Variants in CYP2E1 observed in about 807,000 individuals in gnomAD.
CYP2E1 encodes the protein cytochrome P450 2E1.
Under a neutral mutation model 42.9 loss-of-function variants are expected in CYP2E1, and 31 were observed. The observed-to-expected ratio is 0.72, with a 90% CI of 0.54 to 0.98. The LOEUF (loss-of-function observed/expected upper bound fraction) is 0.98, where lower values mean the gene tolerates loss of function less well. Among genes scored for constraint, CYP2E1 ranks in the 50% least tolerant of loss-of-function variants. The pLI is 0.00. For missense variants in CYP2E1, 565 were observed against 633.2 expected (o/e 0.89, Z 1.16); for synonymous variants, 244 against 248.9 (o/e 0.98, Z 0.19).
At chr10:133,537,659 A>G (rs1229690608) in intron 7 of CYP2E1, 92 bp from the exon 8 acceptor site, 1 of 1,099,950 alleles carries the variant, frequency 9.1e-7, no homozygotes. Context: ...ATATAGCATA[A>G]TATTCAAAAC....
At chr10:133,531,988 C>T in intron 3 of CYP2E1, 136 bp from the exon 4 acceptor site, 2 of 874,534 alleles carry the variant, frequency 2.3e-6, no homozygotes, top group Non-Finnish European at 3.5e-6. Flanking sequence ...CAGGTTCAGA[C>T]ATTCACTATC....
rs28371744 is a variant in CYP2E1, at chr10:133,533,029, G to A, written c.825+161G>A. On this transcript the variant is annotated intron_variant, in intron 5 of 8. Coordinates refer to ENST00000252945, the MANE Select transcript of CYP2E1 (RefSeq NM_000773.4). ...CTTGGCTTCAGCATGACCACTGGAC[G>A]CAAGTCAGCCTGCCTGGCTGCCAAG... is the stretch of plus-strand genomic sequence containing the variant. Among the ~76,000 whole-genome samples the A allele has an allele frequency of 5.7e-3, 872 of 152,330 alleles. 5 individuals carry two copies. Among genetic ancestry groups the A allele is most frequent in the Admixed American group, 7.7e-3 (118 of 15,308 alleles).
intron 6 of CYP2E1, among the ~76,000 whole-genome samples, chr10:133,534,815 C>T (rs536311107): frequency 9.2e-5 from 14 of 152,194 alleles, no homozygotes; most frequent in Admixed American, 3.9e-4. Flanking sequence ...GATCCAGGGT[C>T]AGACCCTGGG....
rs776753984 is a variant in CYP2E1 at position 133,527,518 on chromosome 10, C to A, written c.123C>A (p.Ile41=). Residue 41 remains isoleucine (I), a synonymous_variant, in exon 1 of 9, where the codon ATC becomes ATA. Coordinates refer to ENST00000252945, the MANE Select transcript of CYP2E1 (RefSeq NM_000773.4). ...CCCCAGGCCCTTTCCCGCTTCCCATCATCGGGAACCTCTTCCAGTTGGAAT... is the reference window on the plus strand; with the variant it reads ...CCCCAGGCCCTTTCCCGCTTCCCATAATCGGGAACCTCTTCCAGTTGGAAT... ...NLPPGPFPLP[I]IGNLFQLELK... 4 of 1,613,476 alleles carry A rather than the reference C, an allele frequency of 2.5e-6. No individual in the cohort carries two copies. Among genetic ancestry groups the A allele is most frequent in the East Asian group, 2.2e-5 (1 of 44,900 alleles).
Position 133,528,570 on chromosome 10 carries a change from G to T in CYP2E1, c.267G>T (p.Ala89=). The T allele has an allele frequency of 6.2e-7, 1 of 1,613,562 alleles. No homozygotes were observed. The highest frequency in any genetic ancestry group is 8.5e-7 in the Non-Finnish European group (1 of 1,179,986). Residue 89 remains alanine, a synonymous_variant, in exon 2 of 9, where the codon GCG becomes GCT. Transcript: ENST00000252945. ...ACGGCTACAAGGCGGTGAAGGAAGC[G>T]CTGCTGGACTACAAGGACGAGTTCT... ...VMHGYKAVKE[A]LLDYKDEFSG...
At position 133,533,769 on chromosome 10, in the gene CYP2E1, C is replaced by CAGAG. The variant is rs1162317713; in HGVS notation, c.840_843dup (p.Leu283AlafsTer39). On this transcript the variant is annotated frameshift_variant, in exon 6 of 9. Transcript: ENST00000252945. LOFTEE classifies it high-confidence loss of function. ...CCGGTATCACAGGAAAAGCACAGTG[C>CAGAG]AGAGCGCTTGTACACAATGGACGGT... 6.2e-7 allele frequency: 1 copy of CAGAG among 1,614,038 alleles called. No individual in the cohort carries two copies. Among genetic ancestry groups the CAGAG allele is most frequent in the Non-Finnish European group, 8.5e-7 (1 of 1,180,028 alleles).
chr10:133,534,083 T>C (rs550967577), intron 6 of CYP2E1, among the ~76,000 whole-genome samples, 186 bp downstream of exon 6: 19 of 152,252 alleles, frequency 1.2e-4, no homozygotes, highest in Admixed American at 1.0e-3. Context: ...CCTGGTACTC[T>C]TGCACACTGG....
At chr10:133,532,381 A>T in intron 4 of CYP2E1, 97 bp downstream of exon 4, 1 of 1,173,294 alleles carries the variant, frequency 8.5e-7, no homozygotes, top group South Asian at 1.5e-5. Flanking sequence ...AGGACTGCAA[A>T]AGCCAAACAA....
chr10:133,537,541 A>T, intron 7 of CYP2E1: 1 of 601,992 alleles, frequency 1.7e-6, no homozygotes, highest in Non-Finnish European at 2.9e-6. Context: ...CCCTGGGGTT[A>T]ATCCTGTGAG....
chr10:133,536,989 T>TGGGTGGATGAC (rs1851413653), intron 6 of CYP2E1, 74 bp from the exon 7 acceptor site: 1 of 1,412,942 alleles, frequency 7.1e-7, no homozygotes, highest in Non-Finnish European at 9.9e-7. Context: ...ATTGAATAGA[T>TGGGTGGATGAC]GGGTGGATGA....
chr10:133,534,371 T>TGTC (rs11368724), intron 6 of CYP2E1, among the ~76,000 whole-genome samples: 116,351 of 151,870 alleles, frequency 0.77, 46,554 homozygotes, highest in Middle Eastern at 0.9. Flanking sequence ...CCTGGACCCT[T>TGTC]GTTCCTTCCA....
intron 6 of CYP2E1, 150 bp downstream of exon 6, chr10:133,534,047 G>C: frequency 1.1e-6 from 1 of 885,150 alleles, no homozygotes. Context: ...TGCTGTGAGG[G>C]GAGGTGTTAT....
Position 133,537,203 on chromosome 10 carries a change from C to T in CYP2E1, c.1108C>T (p.His370Tyr). The T allele has an allele frequency of 2.5e-6, 4 of 1,614,098 alleles. No homozygotes were observed. The highest frequency in any genetic ancestry group is 3.4e-6 in the Non-Finnish European group (4 of 1,179,996). ...CACCCTCGTGCCCTCCAACCTGCCC[C>T]ATGAAGCAACCCGAGACACCATTTT... The part of the protein sequence containing the change: ...FITLVPSNLP[H>Y]EATRDTIFRG... The change falls in exon 7 of 9, where the codon CAT becomes TAT. Residue 370 changes from histidine to tyrosine, a missense_variant. His to Tyr is a moderately conservative substitution (Grantham distance 83, BLOSUM62 2). Transcript: ENST00000252945.
At position 133,537,740 on chromosome 10, in the gene CYP2E1, G is replaced by T; in HGVS notation, c.1156-11G>T. On this transcript the variant is annotated splice_polypyrimidine_tract_variant and intron_variant, in intron 7 of 8. Coordinates refer to ENST00000252945, the MANE Select transcript of CYP2E1 (RefSeq NM_000773.4). ...AACATGACTCACTGAGACAGTCTTT[G>T]TTTCTCCTAGGGCACAGTCGTAGTG... 1 of 1,607,862 alleles carries T rather than the reference G, an allele frequency of 6.2e-7. No homozygotes were observed.
In CYP2E1 at chr10:133,533,886, C is replaced by A. The variant is rs984244601; in HGVS notation, c.956C>A (p.Pro319His). 1.3e-5 allele frequency: 21 copies of A among 1,613,992 alleles called. No individual in the cohort carries two copies. The African/African-American group carries it at 2.4e-4, about 18-fold the overall frequency. The change falls in exon 6 of 9, where the codon CCT (proline) becomes CAT (histidine). Residue 319 changes from proline (P) to histidine (H), a missense_variant. Pro to His is a moderately conservative substitution (Grantham distance 77). Coordinates refer to ENST00000252945, the MANE Select transcript of CYP2E1 (RefSeq NM_000773.4). ...RYGLLILMKY[P>H]EIEEKLHEEI... ...GGGCTCCTGATTCTCATGAAATACCCTGAGATCGAAGGTAGGCAAGTGACT... is the reference window on the plus strand; with the variant it reads ...GGGCTCCTGATTCTCATGAAATACCATGAGATCGAAGGTAGGCAAGTGACT...
intron 1 of CYP2E1, chr10:133,528,175 T>G: frequency 1.5e-4 from 39 of 263,454 alleles, no homozygotes; most frequent in South Asian, 2.5e-4. Context: ...GGCAACGGGG[T>G]GGTTGGTGGG....
chr10:133,538,986 C>G lies in CYP2E1; in HGVS notation c.*22C>G, dbSNP rs7081484. ...ATGAGTGTGTGGAGGACACCCTGAA[C>G]CCCCCGCTTTCAAACAAGTTTTCAA... On this transcript the variant is annotated 3_prime_UTR_variant, in exon 9 of 9. Transcript: ENST00000252945. 6.5e-7 allele frequency: 1 copy of G among 1,543,546 alleles called. No homozygotes were observed. Among genetic ancestry groups the G allele is most frequent in the South Asian group, 1.3e-5 (1 of 79,696 alleles).
intron 5 of CYP2E1, 121 bp from the exon 6 acceptor site, chr10:133,533,635 T>G (rs1381260996): frequency 1.8e-6 from 2 of 1,137,328 alleles, no homozygotes; most frequent in East Asian, 4.8e-5. Flanking sequence ...AAGTCACAGT[T>G]CCACTGGGAG....
In CYP2E1 at chr10:133,539,063, A is replaced by G. The variant is rs1334808766; in HGVS notation, c.*99A>G. 1 of 846,328 alleles carries G rather than the reference A, an allele frequency of 1.2e-6. No individual in the cohort carries two copies. The highest frequency in any genetic ancestry group is 1.7e-6 in the Non-Finnish European group (1 of 576,866). The allele number at this position is 846,328 out of a possible 1,614,324, so 52.4% of individuals were successfully genotyped here. A position where few individuals can be genotyped will look rare whatever the true frequency, so the allele number is the denominator to read the frequency against. ...CTGATTCCTTTCTTTGCATATGAGT[A>G]TTTGAAAATAAATATTTTCCCAGAA... On this transcript the variant is annotated 3_prime_UTR_variant, in exon 9 of 9. Coordinates refer to ENST00000252945, the MANE Select transcript of CYP2E1 (RefSeq NM_000773.4).
Sources: allele counts gnomAD v4.1 joint callset (sites outside exome capture counted in the v4.1 genomes callset), GRCh38; gene constraint gnomAD v4.1.1; transcripts MANE v1.5; gene names NCBI Gene and HGNC (gene_info 2026-07-23, HGNC 2026-07-21).